MED13L: variants seen among roughly 807,000 people sequenced by gnomAD.
MED13L encodes the protein mediator of RNA polymerase II transcription subunit 13-like.
Under a neutral mutation model 220.9 loss-of-function variants are expected in MED13L, and 7 were observed. That is an observed-to-expected ratio of 0.03 (90% CI 0.02 to 0.06). The LOEUF (loss-of-function observed/expected upper bound fraction) is 0.06, where lower values mean the gene tolerates loss of function less well. MED13L is among the 10% of genes least tolerant of loss of function. The probability of loss-of-function intolerance (pLI) is 1.00; values close to 1 mark genes in which losing one functional copy is unlikely to be tolerated. For synonymous variants in MED13L, 1,011 were observed against 1,015.2 expected (o/e 1.00, Z 0.08); for missense variants, 1,965 against 2,760.5 (o/e 0.71, Z 6.46).
intron 4 of MED13L, among the ~76,000 whole-genome samples, chr12:116,061,247 T>A (rs549503254): frequency 6.6e-6 from 1 of 152,252 alleles, no homozygotes; most frequent in African/African-American, 2.4e-5. Flanking sequence ...CTGTTTTTTT[T>A]AATTCCATAT....
chr12:116,002,028 A>G (rs1410236964), intron 14 of MED13L, among the ~76,000 whole-genome samples: 4 of 152,240 alleles, frequency 2.6e-5, no homozygotes, highest in African/African-American at 9.6e-5. Flanking sequence ...TGACCTGCAC[A>G]TATCTATTTT....
chr12:115,978,326 C>CTTT (rs60887652), intron 23 of MED13L, among the ~76,000 whole-genome samples: 6 of 132,178 alleles, frequency 4.5e-5, no homozygotes, highest in South Asian at 2.4e-4. Context: ...AATTTTTTTT[C>CTTT]TTTTTTTTTT....
intron 14 of MED13L, 71 bp downstream of exon 14, chr12:116,002,929 CACT>C: frequency 8.6e-7 from 1 of 1,167,546 alleles, no homozygotes; most frequent in Non-Finnish European, 1.3e-6. Context: ...GATAAAGCAC[CACT>C]AAGTATGAGA....
At chr12:116,093,155 G>C (rs1872376152) in intron 4 of MED13L, among the ~76,000 whole-genome samples, 1 of 151,980 alleles carries the variant, frequency 6.6e-6, no homozygotes, top group Non-Finnish European at 1.5e-5. Context: ...GATTTTCACC[G>C]GTTTGTTTTA....
intron 1 of MED13L, among the ~76,000 whole-genome samples, chr12:116,268,601 A>AT (rs1873014213): frequency 6.6e-6 from 1 of 151,970 alleles, no homozygotes; most frequent in African/African-American, 2.4e-5. Context: ...CCTGAGCAAC[A>AT]TAGTGAGACC....
intron 4 of MED13L, among the ~76,000 whole-genome samples, chr12:116,051,895 T>C (rs1040527603): frequency 6.6e-6 from 1 of 152,142 alleles, no homozygotes; most frequent in African/African-American, 2.4e-5. Flanking sequence ...AGCTGACTGA[T>C]ATGAATGCAA....
intron 23 of MED13L, among the ~76,000 whole-genome samples, chr12:115,976,934 G>A (rs1876980370): frequency 6.6e-6 from 1 of 152,158 alleles, no homozygotes; most frequent in Non-Finnish European, 1.5e-5. Flanking sequence ...GCTGAAGTGG[G>A]AGGATCACTG....
chr12:116,201,877 A>G (rs181129689), intron 2 of MED13L, among the ~76,000 whole-genome samples: 28 of 152,356 alleles, frequency 1.8e-4, no homozygotes, highest in Admixed American at 9.8e-4. Flanking sequence ...GAATTAGGTT[A>G]AGGGCAAGGT....
chr12:116,266,514 C>T (rs753606638), intron 1 of MED13L, among the ~76,000 whole-genome samples: 3 of 152,190 alleles, frequency 2.0e-5, no homozygotes, highest in Non-Finnish European at 4.4e-5. Context: ...AGCTATAGCT[C>T]CCGCTCTGAC....
chr12:116,108,390 A>AGGGT (rs996083570), intron 3 of MED13L, among the ~76,000 whole-genome samples: 1 of 41,252 alleles, frequency 2.4e-5, no homozygotes, highest in African/African-American at 1.3e-4. Flanking sequence ...TTTAAAAGAA[A>AGGGT]GGGGGGGGGG....
At chr12:116,238,535 T>C (rs1870312615) in intron 1 of MED13L, among the ~76,000 whole-genome samples, 1 of 152,338 alleles carries the variant, frequency 6.6e-6, no homozygotes, top group East Asian at 1.9e-4. Flanking sequence ...TGAAAACTAA[T>C]AGTAAAACAG....
At chr12:116,113,093 T>C (rs576540821) in intron 2 of MED13L, among the ~76,000 whole-genome samples, 46 of 152,266 alleles carry the variant, frequency 3.0e-4, no homozygotes, top group African/African-American at 1.1e-3. Context: ...AAACAGATAA[T>C]ATAAGCAAAA....
intron 1 of MED13L, among the ~76,000 whole-genome samples, chr12:116,253,341 C>T (rs1871738267): frequency 6.7e-6 from 1 of 150,018 alleles, no homozygotes; most frequent in African/African-American, 2.5e-5. Context: ...ATCTCCAAGG[C>T]AATATAGCTT....
chr12:116,224,105 T>G (rs1358642798), intron 2 of MED13L, among the ~76,000 whole-genome samples: 1 of 152,164 alleles, frequency 6.6e-6, no homozygotes, highest in African/African-American at 2.4e-5. Context: ...GCAGGTCCTA[T>G]CCCCATACAG....
chr12:115,978,490 C>T (rs1877109017), intron 23 of MED13L, among the ~76,000 whole-genome samples: 1 of 152,058 alleles, frequency 6.6e-6, no homozygotes, highest in Admixed American at 6.5e-5. Flanking sequence ...CCACGCCTGG[C>T]TAATTTTTTT....
At chr12:116,232,170 A>G in intron 2 of MED13L, 1 of 981,066 alleles carries the variant, frequency 1.0e-6, no homozygotes, top group Non-Finnish European at 1.2e-6. Context: ...AAAAATAGAA[A>G]AAGCAATATT....
intron 1 of MED13L, among the ~76,000 whole-genome samples, chr12:116,242,378 T>C (rs1870740569): frequency 6.6e-6 from 1 of 152,166 alleles, no homozygotes; most frequent in African/African-American, 2.4e-5. Context: ...CGTTTATCTC[T>C]ACAACACAAA....
chr12:116,124,105 C>CAGAGAGAGAAAGACG (rs1875331241), intron 2 of MED13L, among the ~76,000 whole-genome samples: 2 of 116,610 alleles, frequency 1.7e-5, no homozygotes, highest in African/African-American at 3.0e-5. Flanking sequence ...ATAACATCTG[C>CAGAGAGAGAAAGACG]AGAGAGAGAG....
intron 2 of MED13L, among the ~76,000 whole-genome samples, chr12:116,167,770 C>T (rs1031131271): frequency 6.6e-6 from 1 of 152,100 alleles, no homozygotes; most frequent in Non-Finnish European, 1.5e-5. Flanking sequence ...TTGACTTTTT[C>T]ATTATTGCTT....
Sources: gnomAD v4.1 joint callset for allele counts (sites outside exome capture counted in the v4.1 genomes callset) on GRCh38, gnomAD v4.1.1 for gene constraint, MANE v1.5 for transcripts, NCBI Gene and HGNC (gene_info 2026-07-23, HGNC 2026-07-21) for gene names.